Variants in KHDC1 observed in about 807,000 individuals in gnomAD.
KHDC1 encodes the protein KH homology domain-containing protein 1.
KHDC1 carries 21 observed loss-of-function variants against 24.7 expected under a neutral mutation model. That is an observed-to-expected ratio of 0.85 (90% CI 0.60 to 1.23). The LOEUF (loss-of-function observed/expected upper bound fraction) is 1.23. Among genes scored for constraint, KHDC1 ranks in the 50% most tolerant of loss-of-function variants. KHDC1 has a pLI of 0.00. For synonymous variants in KHDC1, 98 were observed against 111.7 expected (o/e 0.88, Z 0.77); for missense variants, 274 against 298.5 (o/e 0.92, Z 0.61).
intron 2 of KHDC1, among the ~76,000 whole-genome samples, chr6:73,282,978 G>A (rs1028121297): frequency 6.6e-6 from 1 of 152,170 alleles, no homozygotes; most frequent in Non-Finnish European, 1.5e-5. Context: ...TTTATAAATT[G>A]GCTCTGTCTA....
chr6:73,249,664 G>A (rs562734711), intron 2 of KHDC1, among the ~76,000 whole-genome samples: 14 of 152,346 alleles, frequency 9.2e-5, no homozygotes, highest in Admixed American at 3.3e-4. Flanking sequence ...TCTGCTGGAT[G>A]TGGACTCACA....
chr6:73,278,114 C>G (rs573267360), intron 2 of KHDC1, among the ~76,000 whole-genome samples: 3 of 147,602 alleles, frequency 2.0e-5, no homozygotes, highest in African/African-American at 7.5e-5. Flanking sequence ...CGGGTTCAAG[C>G]GATTCTCCTG....
At chr6:73,279,949 A>G (rs1008644502) in intron 2 of KHDC1, among the ~76,000 whole-genome samples, 3 of 151,882 alleles carry the variant, frequency 2.0e-5, no homozygotes, top group African/African-American at 7.3e-5. Context: ...TTTGTATGTG[A>G]TCATCATTGT....
At chr6:73,279,772 G>A (rs768162209) in intron 2 of KHDC1, among the ~76,000 whole-genome samples, 16 of 151,960 alleles carry the variant, frequency 1.1e-4, no homozygotes, top group South Asian at 2.1e-4. Flanking sequence ...TAGAGACAGA[G>A]TTTTGCTGTG....
chr6:73,289,333 CAAAAAAAAAAAA>C (rs60179008), intron 2 of KHDC1, among the ~76,000 whole-genome samples: 6 of 62,650 alleles, frequency 9.6e-5, no homozygotes, highest in African/African-American at 3.5e-4. Context: ...GACTCCATCT[CAAAAAAAAAAAA>C]AAAAAAAAAA....
chr6:73,309,904 T>A, exon 1 of KHDC1: 1 of 573,104 alleles, frequency 1.7e-6, no homozygotes, highest in Non-Finnish European at 2.9e-6. Flanking sequence ...CTAGGTGGAT[T>A]AACGCGCCAC....
intron 1 of KHDC1, among the ~76,000 whole-genome samples, chr6:73,308,786 C>T (rs1768022141): frequency 6.6e-6 from 1 of 152,092 alleles, no homozygotes; most frequent in Non-Finnish European, 1.5e-5. Flanking sequence ...TCAGCCACCG[C>T]ACCCGGTAGA....
chr6:73,299,648 C>A (rs1449360930), intron 1 of KHDC1: 1 of 152,626 alleles, frequency 6.6e-6, no homozygotes, highest in Non-Finnish European at 1.5e-5. Context: ...GGAGGGGGCT[C>A]GGGATTGCAC....
At chr6:73,263,583 G>C (rs1366200011) in intron 2 of KHDC1, among the ~76,000 whole-genome samples, 3 of 141,552 alleles carry the variant, frequency 2.1e-5, no homozygotes, top group Non-Finnish European at 4.6e-5. Context: ...GACTCCCCAG[G>C]AATGTTGCCT....
intron 1 of KHDC1, among the ~76,000 whole-genome samples, chr6:73,308,050 C>T (rs1768002916): frequency 6.6e-6 from 1 of 150,716 alleles, no homozygotes; most frequent in East Asian, 2.0e-4. Flanking sequence ...TTACAGGCAC[C>T]GCACCACCAG....
At chr6:73,290,478 A>T (rs36049164) in intron 2 of KHDC1, 25,291 of 361,188 alleles carry the variant, frequency 0.07, 1,048 homozygotes, top group East Asian at 0.12. Context: ...ATGATAGTAC[A>T]TCTAAAAATG....
intron 1 of KHDC1, among the ~76,000 whole-genome samples, chr6:73,308,284 C>G (rs574351520): frequency 6.6e-6 from 1 of 152,148 alleles, no homozygotes; most frequent in South Asian, 2.1e-4. Flanking sequence ...CCGTGTTAGC[C>G]AGGGTGGTCT....
At chr6:73,298,885 G>A (rs1767812138) in intron 1 of KHDC1, among the ~76,000 whole-genome samples, 1 of 152,140 alleles carries the variant, frequency 6.6e-6, no homozygotes, top group African/African-American at 2.4e-5. Context: ...TTATATGGAG[G>A]AGCCACAGCC....
chr6:73,268,583 G>C (rs1039845158), intron 2 of KHDC1: 8 of 152,224 alleles, frequency 5.3e-5, no homozygotes, highest in Non-Finnish European at 8.8e-5. Context: ...TACAATCCCT[G>C]AGCTAGACAT....
chr6:73,255,747 C>T (rs1318261538), intron 2 of KHDC1, among the ~76,000 whole-genome samples: 1 of 150,926 alleles, frequency 6.6e-6, no homozygotes, highest in African/African-American at 2.4e-5. Context: ...ACTAAAAATA[C>T]AAAAATTAAC....
chr6:73,264,516 A>T (rs894394486), intron 2 of KHDC1, among the ~76,000 whole-genome samples: 1 of 152,196 alleles, frequency 6.6e-6, no homozygotes, highest in Non-Finnish European at 1.5e-5. Context: ...GTAGGAACCC[A>T]GGACCTGTGA....
chr6:73,303,403 CT>C lies in KHDC1; in HGVS notation c.163+6148del, dbSNP rs1233487902. Among the ~76,000 whole-genome samples, 3 of 152,164 alleles carry C rather than the reference CT, an allele frequency of 2.0e-5. No homozygotes were observed. In the East Asian group the frequency reaches 5.8e-4, roughly 29 times the overall value. The stretch of plus-strand genomic sequence containing the variant: ...TCATTGCCTCAGGCAAAATTGACCC[CT>C]GATGCTAAAACTCACGGGTGATGGT... On this transcript the variant is annotated intron_variant, in intron 1 of 4. Coordinates refer to ENST00000370384, the Ensembl canonical transcript of KHDC1.
At chr6:73,306,334 C>T (rs965714893) in intron 1 of KHDC1, among the ~76,000 whole-genome samples, 7 of 152,074 alleles carry the variant, frequency 4.6e-5, no homozygotes, top group South Asian at 2.1e-4. Context: ...CCCGACACCC[C>T]GAGTAATTAA....
intron 2 of KHDC1, chr6:73,291,246 G>T: frequency 2.5e-6 from 1 of 392,550 alleles, no homozygotes; most frequent in African/African-American, 2.1e-5. Context: ...GAATGGGTAA[G>T]AATAACCACT....
Sources: gnomAD v4.1 joint callset for allele counts (sites outside exome capture counted in the v4.1 genomes callset) on GRCh38, gnomAD v4.1.1 for gene constraint, MANE v1.5 for transcripts, NCBI Gene and HGNC (gene_info 2026-07-23, HGNC 2026-07-21) for gene names.